The following SLC25A20 variants were observed in gnomAD, a reference collection of about 807,000 sequenced individuals.
SLC25A20 encodes the protein mitochondrial carnitine/acylcarnitine carrier protein.
Under a neutral mutation model 39.7 loss-of-function variants are expected in SLC25A20, and 29 were observed. The ratio of observed to expected loss-of-function variants is 0.73; its 90% CI spans 0.54 to 1.00. SLC25A20 has a LOEUF of 1.00. SLC25A20 is among the 50% of genes least tolerant of loss of function. SLC25A20 has a pLI of 0.00. For synonymous variants in SLC25A20, 103 were observed against 142.2 expected, an observed-to-expected ratio of 0.72 and a Z score of 1.96; for missense variants, 333 against 379.9, an observed-to-expected ratio of 0.88 and a Z score of 1.03.
intron 3 of SLC25A20, among the ~76,000 whole-genome samples, chr3:48,883,029 TACA>T (rs1559669912): frequency 2.0e-5 from 1 of 50,910 alleles, no homozygotes; most frequent in Non-Finnish European, 3.2e-5. Flanking sequence ...CTACTAAAAA[TACA>T]AAAAAAAAAA....
At chr3:48,867,249 T>C (rs552197848) in intron 4 of SLC25A20, among the ~76,000 whole-genome samples, 1 of 151,832 alleles carries the variant, frequency 6.6e-6, no homozygotes, top group South Asian at 2.1e-4. Flanking sequence ...AAGTTTGTTT[T>C]TGTTTTCTTT....
At chr3:48,867,717 T>C (rs1026854118) in intron 4 of SLC25A20, among the ~76,000 whole-genome samples, 1 of 149,118 alleles carries the variant, frequency 6.7e-6, no homozygotes, top group Non-Finnish European at 1.5e-5. Context: ...TGGGATCCAG[T>C]GCACAAAGAG....
At chr3:48,894,919 G>A (rs1575994243) in intron 1 of SLC25A20, among the ~76,000 whole-genome samples, 1 of 152,216 alleles carries the variant, frequency 6.6e-6, no homozygotes, top group East Asian at 1.9e-4. Context: ...CCAGGTTCAA[G>A]CGATTCTCCT....
chr3:48,857,968 C>CTTT (rs755739220), intron 8 of SLC25A20, among the ~76,000 whole-genome samples, 196 bp from the exon 9 acceptor site: 1 of 138,264 alleles, frequency 7.2e-6, no homozygotes, highest in Admixed American at 7.3e-5. Flanking sequence ...CTGCCCACTT[C>CTTT]TTTTTTTTTT....
intron 3 of SLC25A20, among the ~76,000 whole-genome samples, chr3:48,880,091 C>T (rs1277413792): frequency 1.3e-5 from 2 of 152,122 alleles, no homozygotes; most frequent in Non-Finnish European, 2.9e-5. Context: ...CCCAGGCAGG[C>T]ATGACAGGTC....
intron 3 of SLC25A20, among the ~76,000 whole-genome samples, chr3:48,882,512 T>C (rs1282674354): frequency 6.6e-6 from 1 of 152,148 alleles, no homozygotes; most frequent in Admixed American, 6.6e-5. Flanking sequence ...AACAGCCTCC[T>C]GGGGTTGGTA....
chr3:48,887,769 G>A (rs1283471723), intron 2 of SLC25A20, among the ~76,000 whole-genome samples: 1 of 152,156 alleles, frequency 6.6e-6, no homozygotes, highest in Non-Finnish European at 1.5e-5. Flanking sequence ...GGGCATGGTG[G>A]CAGACGCTTG....
intron 4 of SLC25A20, among the ~76,000 whole-genome samples, chr3:48,878,207 G>A (rs1265901245): frequency 6.8e-6 from 1 of 146,080 alleles, no homozygotes; most frequent in Non-Finnish European, 1.5e-5. Context: ...GTTGCAGTGA[G>A]CCAAGATCAT....
intron 2 of SLC25A20, among the ~76,000 whole-genome samples, chr3:48,891,041 G>A (rs1264036041): frequency 3.9e-5 from 6 of 151,972 alleles, no homozygotes; most frequent in South Asian, 2.1e-4. Context: ...TGGTCCCCCC[G>A]GCCCAGCTGT....
chr3:48,891,163 G>A (rs758697725), intron 2 of SLC25A20, among the ~76,000 whole-genome samples: 21 of 150,224 alleles, frequency 1.4e-4, no homozygotes, highest in Non-Finnish European at 2.1e-4. Flanking sequence ...CAACCTCCCC[G>A]TCCTGGGTTC....
chr3:48,885,444 G>A (rs2083822685), intron 2 of SLC25A20, among the ~76,000 whole-genome samples: 1 of 152,148 alleles, frequency 6.6e-6, no homozygotes. Context: ...ATGGCACAGG[G>A]TGCAGTGGAC....
chr3:48,891,905 A>T, intron 2 of SLC25A20, 75 bp downstream of exon 2: 1 of 1,187,816 alleles, frequency 8.4e-7, no homozygotes, highest in Non-Finnish European at 1.3e-6. Flanking sequence ...CAGTTAACCT[A>T]CTCTCCTTGG....
At chr3:48,876,694 G>A (rs1235354616) in intron 4 of SLC25A20, among the ~76,000 whole-genome samples, 1 of 151,394 alleles carries the variant, frequency 6.6e-6, no homozygotes, top group South Asian at 2.1e-4. Context: ...CAAAGTGCTG[G>A]GATTACAGGC....
chr3:48,859,657 A>G lies in SLC25A20; in HGVS notation c.536-30T>C, dbSNP rs746644498. 39 of 1,545,732 alleles carry G rather than the reference A, an allele frequency of 2.5e-5. No homozygotes were observed. In the Middle Eastern group the frequency reaches 5.1e-4, roughly 20 times the overall value. On this transcript the variant is annotated intron_variant, in intron 5 of 8. Transcript: ENST00000319017. ...TAGTGGCAAGAAAAAGGTGAATTAA[A>G]GTACATAAACTCTTCGCCAGGCATG...
chr3:48,886,526 A>G (rs2083831050), intron 2 of SLC25A20, among the ~76,000 whole-genome samples: 1 of 151,866 alleles, frequency 6.6e-6, no homozygotes, highest in Non-Finnish European at 1.5e-5. Context: ...TCCGTCTCAA[A>G]CAAAAAATAA....
intron 4 of SLC25A20, among the ~76,000 whole-genome samples, chr3:48,877,765 G>GA (rs2083769526): frequency 6.6e-6 from 1 of 151,432 alleles, no homozygotes; most frequent in Admixed American, 6.6e-5. Flanking sequence ...AAAAGAGAAA[G>GA]AAAAAAAAGA....
intron 1 of SLC25A20, among the ~76,000 whole-genome samples, chr3:48,894,268 CTT>C (rs529100766): frequency 1.8e-4 from 21 of 114,978 alleles, no homozygotes; most frequent in African/African-American, 9.5e-5. Flanking sequence ...ATTGGATTGT[CTT>C]TTTTTTTTTT....
At chr3:48,886,212 A>C (rs980892408) in intron 2 of SLC25A20, among the ~76,000 whole-genome samples, 10 of 152,178 alleles carry the variant, frequency 6.6e-5, no homozygotes, top group African/African-American at 2.4e-4. Flanking sequence ...GTAGCTAAAA[A>C]ATATAAAAAT....
chr3:48,896,041 G>A (rs1302828056), intron 1 of SLC25A20, among the ~76,000 whole-genome samples: 1 of 151,308 alleles, frequency 6.6e-6, no homozygotes, highest in East Asian at 2.0e-4. Context: ...TCAGGAGGCT[G>A]AGGCAAAAGA....
Sources: allele counts gnomAD v4.1 joint callset (sites outside exome capture counted in the v4.1 genomes callset), GRCh38; gene constraint gnomAD v4.1.1; transcripts MANE v1.5; gene names NCBI Gene and HGNC (gene_info 2026-07-23, HGNC 2026-07-21).